The following CTNNA3 variants were observed in gnomAD, a reference collection of about 807,000 sequenced individuals.
The protein encoded by CTNNA3 is catenin alpha 3, also known as catenin alpha-3.
Under a neutral mutation model 95.7 loss-of-function variants are expected in CTNNA3, and 76 were observed. The ratio of observed to expected loss-of-function variants is 0.79; its 90% CI spans 0.66 to 0.96. CTNNA3 has a LOEUF of 0.96. CTNNA3 is among the 40% of genes least tolerant of loss of function. The pLI is 0.00. For missense variants in CTNNA3, 1,191 were observed against 1,089.8 expected (o/e 1.09, Z -1.31); for synonymous variants, 431 against 374.4 (o/e 1.15, Z -1.74).
At chr10:66,186,198 A>G (rs541089616) in intron 13 of CTNNA3, among the ~76,000 whole-genome samples, 1 of 152,180 alleles carries the variant, frequency 6.6e-6, no homozygotes, top group East Asian at 1.9e-4. Flanking sequence ...TGATCATTAC[A>G]CAATGTATAT....
intron 12 of CTNNA3, among the ~76,000 whole-genome samples, chr10:66,363,275 T>A (rs2132437672): frequency 6.6e-6 from 1 of 152,330 alleles, no homozygotes; most frequent in South Asian, 2.1e-4. Context: ...CCTCTCAAAT[T>A]CATGTTGAAA....
intron 13 of CTNNA3, among the ~76,000 whole-genome samples, chr10:66,186,730 C>T (rs188762003): frequency 6.6e-6 from 1 of 152,086 alleles, no homozygotes; most frequent in African/African-American, 2.4e-5. Context: ...CAATGTTAAA[C>T]ATCAATGAAG....
intron 13 of CTNNA3, among the ~76,000 whole-genome samples, chr10:66,268,604 G>C (rs1476399355): frequency 2.0e-5 from 3 of 152,186 alleles, no homozygotes; most frequent in Non-Finnish European, 4.4e-5. Flanking sequence ...ACCATTATGT[G>C]TGGAGTAATT....
chr10:67,519,805 A>G (rs1317875090), intron 5 of CTNNA3, among the ~76,000 whole-genome samples: 7 of 152,176 alleles, frequency 4.6e-5, no homozygotes, highest in African/African-American at 1.7e-4. Flanking sequence ...CTAAACTGGC[A>G]ATTTTACAGA....
At chr10:67,340,370 T>G (rs2132611721) in intron 5 of CTNNA3, among the ~76,000 whole-genome samples, 1 of 152,338 alleles carries the variant, frequency 6.6e-6, no homozygotes, top group African/African-American at 2.4e-5. Flanking sequence ...TTGTGAAATT[T>G]ATCTGGTCTT....
chr10:66,193,754 G>T (rs2086800058), intron 13 of CTNNA3, among the ~76,000 whole-genome samples: 1 of 152,054 alleles, frequency 6.6e-6, no homozygotes, highest in African/African-American at 2.4e-5. Flanking sequence ...ACACATAGCA[G>T]ATTTCTTTCT....
chr10:67,445,762 T>A (rs1846722223), intron 5 of CTNNA3, among the ~76,000 whole-genome samples: 1 of 152,118 alleles, frequency 6.6e-6, no homozygotes, highest in African/African-American at 2.4e-5. Flanking sequence ...TCAATAGAAA[T>A]TTATGTTTGA....
At chr10:66,609,357 C>A (rs1258553744) in intron 10 of CTNNA3, among the ~76,000 whole-genome samples, 1 of 147,684 alleles carries the variant, frequency 6.8e-6, no homozygotes, top group Non-Finnish European at 1.5e-5. Context: ...GCCATCGCAC[C>A]CAGCCAAAGG....
chr10:66,667,424 C>T (rs964574939), intron 9 of CTNNA3, among the ~76,000 whole-genome samples: 3 of 152,074 alleles, frequency 2.0e-5, no homozygotes, highest in Non-Finnish European at 4.4e-5. Flanking sequence ...GAATATTGTC[C>T]CGCACACAAC....
intron 6 of CTNNA3, among the ~76,000 whole-genome samples, chr10:67,197,287 A>G (rs1474220938): frequency 6.6e-6 from 1 of 152,096 alleles, no homozygotes; most frequent in Non-Finnish European, 1.5e-5. Context: ...AAAGAAGAAA[A>G]GAAAAGGTAC....
intron 9 of CTNNA3, among the ~76,000 whole-genome samples, chr10:66,634,671 T>C (rs1372648000): frequency 6.6e-6 from 1 of 151,936 alleles, no homozygotes; most frequent in African/African-American, 2.4e-5. Flanking sequence ...CCTACATTTC[T>C]TCCTTTTTCC....
chr10:67,309,526 G>T (rs1840696293), intron 5 of CTNNA3, among the ~76,000 whole-genome samples: 1 of 152,194 alleles, frequency 6.6e-6, no homozygotes, highest in South Asian at 2.1e-4. Context: ...GAAATGAAGG[G>T]AGCTAATAAG....
chr10:66,003,149 T>C (rs1054353161), intron 15 of CTNNA3, among the ~76,000 whole-genome samples: 9 of 152,218 alleles, frequency 5.9e-5, no homozygotes, highest in African/African-American at 2.2e-4. Flanking sequence ...GGATCTATTA[T>C]TAAAAACAAA....
At chr10:67,656,464 TACTG>T (rs552682731) in intron 1 of CTNNA3, among the ~76,000 whole-genome samples, 27 of 152,340 alleles carry the variant, frequency 1.8e-4, no homozygotes, top group Admixed American at 1.6e-3. Context: ...AACTTATATT[TACTG>T]ACTATCTACT....
chr10:66,022,328 T>C (rs1231301476), intron 15 of CTNNA3, among the ~76,000 whole-genome samples: 1 of 152,168 alleles, frequency 6.6e-6, no homozygotes, highest in Non-Finnish European at 1.5e-5. Context: ...ATTTCAAAAA[T>C]GAATGATGTA....
intron 9 of CTNNA3, among the ~76,000 whole-genome samples, chr10:66,686,611 T>C (rs1847307538): frequency 6.6e-6 from 1 of 152,212 alleles, no homozygotes; most frequent in Non-Finnish European, 1.5e-5. Flanking sequence ...GAACCAGTGA[T>C]TGCAGACATA....
At chr10:66,676,386 C>T (rs532174575) in intron 9 of CTNNA3, among the ~76,000 whole-genome samples, 1 of 152,138 alleles carries the variant, frequency 6.6e-6, no homozygotes, top group East Asian at 1.9e-4. Flanking sequence ...GTTACTGTAC[C>T]TTAATCATTA....
At chr10:67,203,372 G>A (rs1863733864) in intron 6 of CTNNA3, among the ~76,000 whole-genome samples, 1 of 152,112 alleles carries the variant, frequency 6.6e-6, no homozygotes, top group Non-Finnish European at 1.5e-5. Flanking sequence ...CCATGATTGT[G>A]AGGCCTCCCT....
At chr10:67,262,717 A>AG (rs770888844) in intron 5 of CTNNA3, among the ~76,000 whole-genome samples, 11 of 152,224 alleles carry the variant, frequency 7.2e-5, no homozygotes, top group Non-Finnish European at 1.3e-4. Flanking sequence ...AGAGACAAAA[A>AG]GGGGAACAAA....
Sources: gnomAD v4.1 joint callset for allele counts (sites outside exome capture counted in the v4.1 genomes callset) on GRCh38, gnomAD v4.1.1 for gene constraint, MANE v1.5 for transcripts, NCBI Gene and HGNC (gene_info 2026-07-23, HGNC 2026-07-21) for gene names.